Variants in GRID2 observed in about 807,000 individuals in gnomAD.
GRID2 encodes the protein glutamate ionotropic receptor delta type subunit 2.
A neutral mutation model predicts 114.8 loss-of-function variants in GRID2; 33 were observed. The observed-to-expected ratio is 0.29, with a 90% CI of 0.22 to 0.38. The LOEUF is 0.38. GRID2 is among the 10% of genes least tolerant of loss of function. The probability of loss-of-function intolerance (pLI) is 1.00; values close to 1 mark genes in which losing one functional copy is unlikely to be tolerated. For synonymous variants in GRID2, 505 were observed against 449.9 expected (o/e 1.12, Z -1.55); for missense variants, 1,184 against 1,257.7 (o/e 0.94, Z 0.89).
chr4:93,313,821 T>C (rs953277308), intron 8 of GRID2, among the ~76,000 whole-genome samples: 1 of 152,172 alleles, frequency 6.6e-6, no homozygotes, highest in Non-Finnish European at 1.5e-5. Context: ...GCAGTTTTCA[T>C]AAGGGGGTTG....
chr4:93,253,451 GCTA>G (rs1749210525), intron 8 of GRID2, among the ~76,000 whole-genome samples: 1 of 151,974 alleles, frequency 6.6e-6, no homozygotes, highest in African/African-American at 2.4e-5. Context: ...AAAATTTATT[GCTA>G]CTTAGATTTT....
At chr4:92,599,295 G>A (rs62310144) in intron 2 of GRID2, among the ~76,000 whole-genome samples, 15,617 of 151,930 alleles carry the variant, frequency 0.1, 1,094 homozygotes, top group African/African-American at 0.2. Context: ...TAAATAAGGC[G>A]CTGAGTCATA....
intron 8 of GRID2, among the ~76,000 whole-genome samples, chr4:93,353,819 A>T (rs1044254294): frequency 2.0e-5 from 3 of 152,034 alleles, no homozygotes; most frequent in African/African-American, 4.8e-5. Context: ...AGCAGTAGGC[A>T]CTATTTTACT....
chr4:93,515,549 C>A, intron 13 of GRID2, 138 bp downstream of exon 13: 2 of 601,654 alleles, frequency 3.3e-6, no homozygotes, highest in East Asian at 5.6e-5. Flanking sequence ...TGTTACAATG[C>A]ATCTTATATT....
chr4:92,449,360 C>G (rs1417798961), intron 1 of GRID2, among the ~76,000 whole-genome samples: 1 of 151,854 alleles, frequency 6.6e-6, no homozygotes, highest in African/African-American at 2.4e-5. Context: ...TGGAGCTCAT[C>G]TTTTATAGTT....
intron 8 of GRID2, among the ~76,000 whole-genome samples, chr4:93,259,187 AG>A (rs377023881): frequency 6.3e-4 from 95 of 151,964 alleles, no homozygotes; most frequent in African/African-American, 2.0e-3. Flanking sequence ...ACAAGTACCT[AG>A]GAGACAAGTT....
At chr4:93,485,760 T>C (rs1268650768) in intron 11 of GRID2, among the ~76,000 whole-genome samples, 1 of 151,786 alleles carries the variant, frequency 6.6e-6, no homozygotes, top group Non-Finnish European at 1.5e-5. Context: ...TTAATTACTA[T>C]ATTAATCTAT....
At chr4:93,016,308 C>T (rs1268227656) in intron 2 of GRID2, among the ~76,000 whole-genome samples, 2 of 152,168 alleles carry the variant, frequency 1.3e-5, no homozygotes, top group African/African-American at 4.8e-5. Flanking sequence ...GACCTCTATT[C>T]ACCTCTGAAC....
chr4:92,989,915 T>G (rs1383093866), intron 2 of GRID2, among the ~76,000 whole-genome samples: 1 of 152,150 alleles, frequency 6.6e-6, no homozygotes, highest in Admixed American at 6.5e-5. Context: ...TAAGAACATT[T>G]ATTTAAAATG....
At chr4:93,088,431 A>C (rs887797346) in intron 3 of GRID2, among the ~76,000 whole-genome samples, 4 of 152,180 alleles carry the variant, frequency 2.6e-5, no homozygotes, top group Non-Finnish European at 5.9e-5. Context: ...ATAAGCTTAC[A>C]GTTAACAACA....
At chr4:92,806,066 A>G (rs1740395037) in intron 2 of GRID2, among the ~76,000 whole-genome samples, 1 of 151,612 alleles carries the variant, frequency 6.6e-6, no homozygotes, top group Non-Finnish European at 1.5e-5. Flanking sequence ...ATTTCTCTCA[A>G]ACATCATTTA....
intron 1 of GRID2, among the ~76,000 whole-genome samples, chr4:92,479,445 T>G (rs1373429634): frequency 1.3e-5 from 2 of 152,146 alleles, no homozygotes; most frequent in Non-Finnish European, 2.9e-5. Flanking sequence ...ATGTGTTTAT[T>G]TGGATTTTTT....
intron 2 of GRID2, among the ~76,000 whole-genome samples, chr4:92,981,268 A>C (rs1191528999): frequency 1.3e-5 from 2 of 152,046 alleles, no homozygotes; most frequent in Non-Finnish European, 2.9e-5. Flanking sequence ...ATAATTATTT[A>C]GTTCATTTTT....
intron 3 of GRID2, among the ~76,000 whole-genome samples, chr4:93,088,925 A>C (rs534060948): frequency 8.7e-4 from 133 of 152,254 alleles, no homozygotes; most frequent in Non-Finnish European, 1.5e-3. Flanking sequence ...GCAATAAACT[A>C]TCACCCAAGA....
intron 2 of GRID2, among the ~76,000 whole-genome samples, chr4:92,949,137 T>C (rs759943923): frequency 4.1e-5 from 6 of 147,142 alleles, no homozygotes; most frequent in African/African-American, 1.5e-4. Flanking sequence ...AGAAAATGTG[T>C]GTGTGTGTGT....
intron 1 of GRID2, among the ~76,000 whole-genome samples, chr4:92,494,998 A>G (rs1723319110): frequency 1.3e-5 from 2 of 152,166 alleles, no homozygotes; most frequent in South Asian, 4.1e-4. Flanking sequence ...ATAGAGAAAA[A>G]TTAATAAAAA....
intron 2 of GRID2, among the ~76,000 whole-genome samples, chr4:92,885,649 A>T (rs901298906): frequency 1.3e-5 from 2 of 152,058 alleles, no homozygotes; most frequent in Non-Finnish European, 2.9e-5. Flanking sequence ...TTGTTTGGGG[A>T]TTCTTTGTTG....
chr4:93,494,831 C>T (rs1727376189), intron 12 of GRID2, among the ~76,000 whole-genome samples: 1 of 151,568 alleles, frequency 6.6e-6, no homozygotes. Context: ...CTCTTGATAA[C>T]TAGACTAATA....
At chr4:92,491,585 T>G (rs1457913012) in intron 1 of GRID2, among the ~76,000 whole-genome samples, 1 of 152,194 alleles carries the variant, frequency 6.6e-6, no homozygotes, top group African/African-American at 2.4e-5. Flanking sequence ...TTGTGCCATT[T>G]CTTATTAAAC....
Sources: allele counts gnomAD v4.1 joint callset (sites outside exome capture counted in the v4.1 genomes callset), GRCh38; gene constraint gnomAD v4.1.1; transcripts MANE v1.5; gene names NCBI Gene and HGNC (gene_info 2026-07-23, HGNC 2026-07-21).